Variants in SNTG1 observed in about 807,000 individuals in gnomAD.
SNTG1 encodes syntrophin gamma 1.
SNTG1 carries 39 observed loss-of-function variants against 74.7 expected under a neutral mutation model. The ratio of observed to expected loss-of-function variants is 0.52; its 90% CI spans 0.40 to 0.68. SNTG1 has a LOEUF of 0.68. Among genes scored for constraint, SNTG1 ranks in the 30% least tolerant of loss-of-function variants. The pLI, the probability that SNTG1 is intolerant of heterozygous loss-of-function variation, is 0.00. For missense variants in SNTG1, 685 were observed against 609.5 expected (o/e 1.12, Z -1.30); for synonymous variants, 254 against 217.1 (o/e 1.17, Z -1.49).
At chr8:50,608,325 A>AT (rs922511473) in intron 13 of SNTG1, among the ~76,000 whole-genome samples, 1 of 151,146 alleles carries the variant, frequency 6.6e-6, no homozygotes, top group East Asian at 1.9e-4. Context: ...TCATTTAAAA[A>AT]TTTTTTTTCT....
chr8:50,224,190 A>G (rs1368424801), intron 2 of SNTG1, among the ~76,000 whole-genome samples: 1 of 152,232 alleles, frequency 6.6e-6, no homozygotes, highest in African/African-American at 2.4e-5. Context: ...AAGTTGGGAG[A>G]CATATCACAT....
chr8:50,001,794 C>T (rs951128007), intron 1 of SNTG1, among the ~76,000 whole-genome samples: 5 of 152,162 alleles, frequency 3.3e-5, no homozygotes, highest in African/African-American at 1.2e-4. Context: ...CAAGGTTAAA[C>T]AGCGAGTTTG....
Position 50,062,333 on chromosome 8 carries a change from C to T in SNTG1, c.-102-110228C>T, listed in dbSNP as rs1374481996. 3.9e-5 allele frequency among the ~76,000 whole-genome samples: 6 copies of T among 152,150 alleles called. No individual in the cohort carries two copies. In the East Asian group the frequency reaches 7.7e-4, roughly 20 times the overall value. On this transcript the variant is annotated intron_variant, in intron 1 of 18. Coordinates refer to ENST00000642720, the MANE Select transcript of SNTG1 (RefSeq NM_018967.5). ...AAGTGCTGGGATTACAAGCATGAGC[C>T]ATGGCGCCAGACCAGATGTTGGAAT...
chr8:50,146,909 A>T (rs1005019501), intron 1 of SNTG1, among the ~76,000 whole-genome samples: 6 of 151,888 alleles, frequency 4.0e-5, no homozygotes, highest in Non-Finnish European at 7.4e-5. Context: ...TACATTCTGG[A>T]TATAAATTCT....
chr8:50,771,276 C>G (rs1193613746), intron 18 of SNTG1, among the ~76,000 whole-genome samples: 2 of 151,964 alleles, frequency 1.3e-5, no homozygotes, highest in African/African-American at 4.8e-5. Context: ...GTGGTCAGGA[C>G]CAAAATGCCA....
At chr8:50,685,436 C>T (rs2095348486) in intron 15 of SNTG1, among the ~76,000 whole-genome samples, 1 of 152,112 alleles carries the variant, frequency 6.6e-6, no homozygotes, top group Non-Finnish European at 1.5e-5. Context: ...AATATGTTTT[C>T]TAACTCTGAT....
intron 1 of SNTG1, among the ~76,000 whole-genome samples, chr8:50,138,877 G>GTT (rs1465440779): frequency 1.3e-5 from 2 of 151,872 alleles, no homozygotes; most frequent in Non-Finnish European, 2.9e-5. Context: ...TATAAGTTAT[G>GTT]TTTATATGAT....
At chr8:50,099,062 G>A (rs1418727998) in intron 1 of SNTG1, among the ~76,000 whole-genome samples, 1 of 152,010 alleles carries the variant, frequency 6.6e-6, no homozygotes, top group Non-Finnish European at 1.5e-5. Context: ...CTATTTAAAA[G>A]CACCTCACAA....
chr8:50,440,925 G>A (rs921781474), intron 5 of SNTG1, among the ~76,000 whole-genome samples: 9 of 152,156 alleles, frequency 5.9e-5, no homozygotes, highest in African/African-American at 2.2e-4. Context: ...TTGGTTAAAG[G>A]GTAATGAATG....
intron 15 of SNTG1, among the ~76,000 whole-genome samples, chr8:50,681,832 G>C (rs181937303): frequency 1.3e-5 from 2 of 152,174 alleles, no homozygotes; most frequent in Non-Finnish European, 2.9e-5. Flanking sequence ...GTGCCTTCTG[G>C]ATGATTCCAT....
intron 12 of SNTG1, among the ~76,000 whole-genome samples, chr8:50,557,533 T>C (rs1475278385): frequency 6.6e-6 from 1 of 152,200 alleles, no homozygotes; most frequent in Non-Finnish European, 1.5e-5. Context: ...AAGCCTTGTC[T>C]CTTCCAGCCT....
intron 11 of SNTG1, among the ~76,000 whole-genome samples, chr8:50,545,635 G>A (rs1406083568): frequency 6.6e-6 from 1 of 151,446 alleles, no homozygotes; most frequent in Non-Finnish European, 1.5e-5. Flanking sequence ...TTTTTCTTTA[G>A]GTAGAATTAT....
At chr8:50,362,918 C>T (rs964126144) in intron 2 of SNTG1, among the ~76,000 whole-genome samples, 1 of 152,054 alleles carries the variant, frequency 6.6e-6, no homozygotes, top group African/African-American at 2.4e-5. Context: ...ATCTCATCTT[C>T]CTTAGTAAAC....
At chr8:50,127,862 G>A (rs1405567309) in intron 1 of SNTG1, among the ~76,000 whole-genome samples, 1 of 151,982 alleles carries the variant, frequency 6.6e-6, no homozygotes, top group Admixed American at 6.6e-5. Context: ...CAATTGTTTT[G>A]TTTTTCTGAC....
chr8:50,374,270 T>C (rs549139174), intron 2 of SNTG1, among the ~76,000 whole-genome samples: 62 of 152,358 alleles, frequency 4.1e-4, no homozygotes, highest in African/African-American at 1.5e-3. Flanking sequence ...TGTAGTTTCC[T>C]TAATATGTAA....
intron 2 of SNTG1, among the ~76,000 whole-genome samples, chr8:50,282,282 A>T (rs1006123858): frequency 6.6e-6 from 1 of 152,048 alleles, no homozygotes; most frequent in Non-Finnish European, 1.5e-5. Flanking sequence ...TCACCCTAAA[A>T]CCAATAAATA....
chr8:50,023,881 C>T (rs187708483), intron 1 of SNTG1, among the ~76,000 whole-genome samples: 4 of 152,236 alleles, frequency 2.6e-5, no homozygotes, highest in Non-Finnish European at 4.4e-5. Flanking sequence ...GGTCTTTGTG[C>T]CTGAGGCCTT....
chr8:50,199,976 G>T (rs889891790), intron 2 of SNTG1, among the ~76,000 whole-genome samples: 2 of 150,546 alleles, frequency 1.3e-5, no homozygotes, highest in African/African-American at 4.9e-5. Context: ...AGTGCAATTA[G>T]CTATTTGTAT....
intron 2 of SNTG1, among the ~76,000 whole-genome samples, chr8:50,215,685 A>C (rs1324362862): frequency 6.6e-6 from 1 of 151,970 alleles, no homozygotes; most frequent in Non-Finnish European, 1.5e-5. Context: ...TACTCATCGA[A>C]TCCAAGCTCT....
Sources: gnomAD v4.1 joint callset for allele counts (sites outside exome capture counted in the v4.1 genomes callset) on GRCh38, gnomAD v4.1.1 for gene constraint, MANE v1.5 for transcripts, NCBI Gene and HGNC (gene_info 2026-07-23, HGNC 2026-07-21) for gene names.